ZDHHC14: variants seen among roughly 807,000 people sequenced by gnomAD.
ZDHHC14 encodes palmitoyltransferase ZDHHC14.
A neutral mutation model predicts 47.7 loss-of-function variants in ZDHHC14; 16 were observed. The observed-to-expected ratio is 0.34, with a 90% confidence interval of 0.23 to 0.51. ZDHHC14 has a LOEUF of 0.51. ZDHHC14 is among the 20% of genes least tolerant of loss of function. The probability of loss-of-function intolerance (pLI) is 0.97; values close to 1 mark genes in which losing one functional copy is unlikely to be tolerated. For missense variants in ZDHHC14, 515 were observed against 662.5 expected (o/e 0.78, Z 2.44); for synonymous variants, 293 against 278.9 (o/e 1.05, Z -0.50).
intron 1 of ZDHHC14, among the ~76,000 whole-genome samples, chr6:157,487,683 G>A (rs144461521): frequency 0.029 from 4,385 of 152,290 alleles, 104 homozygotes; most frequent in Non-Finnish European, 0.046. Flanking sequence ...ATTCATGCAT[G>A]GTTGGAATCA....
chr6:157,490,780 C>T (rs1355521408), intron 1 of ZDHHC14, among the ~76,000 whole-genome samples: 1 of 152,108 alleles, frequency 6.6e-6, no homozygotes, highest in Middle Eastern at 3.2e-3. Flanking sequence ...AGAGGGAGGG[C>T]CAGCAGATCT....
chr6:157,500,179 G>A (rs1218282369), intron 1 of ZDHHC14, among the ~76,000 whole-genome samples: 2 of 152,190 alleles, frequency 1.3e-5, no homozygotes, highest in Non-Finnish European at 2.9e-5. Context: ...TTGAATATAT[G>A]AGGGAAGAGC....
chr6:157,583,110 G>A (rs1783572257), intron 2 of ZDHHC14, among the ~76,000 whole-genome samples: 1 of 151,882 alleles, frequency 6.6e-6, no homozygotes. Context: ...TCATCTGTCA[G>A]CTTCTGTATC....
chr6:157,579,691 A>T (rs1783446412), intron 2 of ZDHHC14, among the ~76,000 whole-genome samples: 1 of 151,818 alleles, frequency 6.6e-6, no homozygotes, highest in African/African-American at 2.4e-5. Context: ...CTTGGTTTGG[A>T]TGTTGTTGGT....
intron 1 of ZDHHC14, among the ~76,000 whole-genome samples, chr6:157,514,360 G>A (rs1488185001): frequency 2.0e-5 from 3 of 152,154 alleles, no homozygotes; most frequent in Non-Finnish European, 4.4e-5. Flanking sequence ...TATGCCCATG[G>A]TCACTTTCAC....
chr6:157,610,981 CT>C (rs773658560), intron 3 of ZDHHC14, among the ~76,000 whole-genome samples: 20 of 152,192 alleles, frequency 1.3e-4, no homozygotes, highest in Non-Finnish European at 2.6e-4. Context: ...TCGTGTAAGA[CT>C]GGGAGCCATG....
In ZDHHC14 at chr6:157,645,856, A is replaced by G; in HGVS notation, c.855+17A>G. On this transcript the variant is annotated intron_variant, in intron 6 of 8. Transcript: ENST00000359775. ...AATGAGGACGTAAGTTCCTGACCACACGGGACACGGGCGTGTTCTTGGGTT... is the reference window on the plus strand; with the variant it reads ...AATGAGGACGTAAGTTCCTGACCACGCGGGACACGGGCGTGTTCTTGGGTT... 6.2e-7 allele frequency: 1 copy of G among 1,606,360 alleles called. No individual in the cohort carries two copies.
chr6:157,632,976 C>T (rs1776777008), intron 5 of ZDHHC14, 94 bp downstream of exon 5: 2 of 1,350,186 alleles, frequency 1.5e-6, no homozygotes, highest in African/African-American at 2.9e-5. Flanking sequence ...CTGCCCCGGC[C>T]TTGCTTCTCA....
chr6:157,420,461 T>G (rs1302925953), intron 1 of ZDHHC14, among the ~76,000 whole-genome samples: 1 of 148,452 alleles, frequency 6.7e-6, no homozygotes, highest in African/African-American at 2.5e-5. Context: ...ATCGAGGCAC[T>G]AATGAAGGAG....
At position 157,579,656 on chromosome 6, in the gene ZDHHC14, A is replaced by T. The variant is rs188037765; in HGVS notation, c.407-13332A>T. Among the ~76,000 whole-genome samples the T allele has an allele frequency of 3.8e-4, 58 of 152,206 alleles. No individual in the cohort carries two copies. In the East Asian group the frequency reaches 0.011, roughly 29 times the overall value. On this transcript the variant is annotated intron_variant, in intron 2 of 8. Coordinates refer to ENST00000359775, the MANE Select transcript of ZDHHC14 (RefSeq NM_024630.3). The stretch of plus-strand genomic sequence containing the variant: ...TTAATTATTTTTGTGGCAACTGTGA[A>T]TGGGATTGTGTTCCTGATTTGGCTC...
At chr6:157,557,215 C>T (rs1006339924) in intron 2 of ZDHHC14, among the ~76,000 whole-genome samples, 50 of 152,196 alleles carry the variant, frequency 3.3e-4, no homozygotes, top group African/African-American at 1.2e-3. Context: ...CACGCTGTAG[C>T]AGGAGAGGAG....
At chr6:157,621,633 A>C (rs1785190598) in intron 3 of ZDHHC14, among the ~76,000 whole-genome samples, 1 of 152,170 alleles carries the variant, frequency 6.6e-6, no homozygotes, top group African/African-American at 2.4e-5. Flanking sequence ...TGGCCACAGG[A>C]CATAATTTTT....
At chr6:157,570,021 A>G (rs1783039214) in intron 2 of ZDHHC14, among the ~76,000 whole-genome samples, 3 of 152,232 alleles carry the variant, frequency 2.0e-5, no homozygotes, top group African/African-American at 7.2e-5. Context: ...ACCATAATAG[A>G]TGGGCATTTT....
chr6:157,499,032 T>C (rs1003572663), intron 1 of ZDHHC14, among the ~76,000 whole-genome samples: 6 of 152,130 alleles, frequency 3.9e-5, no homozygotes, highest in African/African-American at 1.2e-4. Context: ...AGATGATGTA[T>C]TCAGTTCTGA....
chr6:157,518,609 C>T (rs1780787878), intron 1 of ZDHHC14, among the ~76,000 whole-genome samples: 2 of 152,152 alleles, frequency 1.3e-5, no homozygotes, highest in African/African-American at 2.4e-5. Context: ...GCGGATGGGG[C>T]TCAGCTCGCC....
chr6:157,414,481 C>T (rs1414885321), intron 1 of ZDHHC14, among the ~76,000 whole-genome samples: 1 of 152,172 alleles, frequency 6.6e-6, no homozygotes, highest in Non-Finnish European at 1.5e-5. Flanking sequence ...TTGGCTCATG[C>T]TGTGCTTGGA....
At chr6:157,560,560 T>A (rs866036844) in intron 2 of ZDHHC14, among the ~76,000 whole-genome samples, 21 of 152,348 alleles carry the variant, frequency 1.4e-4, no homozygotes, top group African/African-American at 3.6e-4. Flanking sequence ...TAAACAAGTT[T>A]TTTTTTGTGA....
At chr6:157,476,375 A>G (rs1440735616) in intron 1 of ZDHHC14, among the ~76,000 whole-genome samples, 1 of 152,248 alleles carries the variant, frequency 6.6e-6, no homozygotes, top group Non-Finnish European at 1.5e-5. Flanking sequence ...GAAAACCTGA[A>G]CAAACCAATA....
intron 1 of ZDHHC14, among the ~76,000 whole-genome samples, chr6:157,464,282 C>T (rs1228510790): frequency 2.0e-5 from 3 of 152,212 alleles, no homozygotes; most frequent in Non-Finnish European, 2.9e-5. Flanking sequence ...TTTTAATACA[C>T]ATACTTTGAT....
Sources: allele counts gnomAD v4.1 joint callset (sites outside exome capture counted in the v4.1 genomes callset), GRCh38; gene constraint gnomAD v4.1.1; transcripts MANE v1.5; gene names NCBI Gene and HGNC (gene_info 2026-07-23, HGNC 2026-07-21).